Variants in LRBA observed in about 807,000 individuals in gnomAD.
LRBA encodes the protein lipopolysaccharide-responsive and beige-like anchor protein.
A neutral mutation model predicts 330.0 loss-of-function variants in LRBA; 176 were observed. The ratio of observed to expected loss-of-function variants is 0.53; its 90% CI spans 0.47 to 0.60. The LOEUF (loss-of-function observed/expected upper bound fraction) is 0.60. Ranked by LOEUF, LRBA falls within the 20% of genes least tolerant of loss-of-function variation. LRBA has a pLI of 0.00. For synonymous variants in LRBA, 1,230 were observed against 1,193.0 expected (o/e 1.03, Z -0.64); for missense variants, 3,259 against 3,444.8 (o/e 0.95, Z 1.35).
At chr4:150,571,933 C>A (rs967252207) in intron 40 of LRBA, among the ~76,000 whole-genome samples, 1 of 151,638 alleles carries the variant, frequency 6.6e-6, no homozygotes, top group Non-Finnish European at 1.5e-5. Flanking sequence ...CAAACTCCCA[C>A]TTCTAGTTAT....
chr4:150,448,647 C>T (rs1054474449), intron 44 of LRBA, among the ~76,000 whole-genome samples: 8 of 151,684 alleles, frequency 5.3e-5, no homozygotes, highest in Non-Finnish European at 1.0e-4. Flanking sequence ...AATAAAAATA[C>T]AAAAATTAGC....
chr4:150,388,730 G>A (rs1743445666), intron 47 of LRBA, among the ~76,000 whole-genome samples: 1 of 152,150 alleles, frequency 6.6e-6, no homozygotes, highest in Admixed American at 6.5e-5. Flanking sequence ...CAGAGTAGAA[G>A]TATAAACTCC....
chr4:150,487,600 CAG>C lies in LRBA; in HGVS notation c.6551+130_6551+131del, dbSNP rs77312120. The C allele has an allele frequency of 0.25, 110,739 of 441,806 alleles. 15,817 individuals carry two copies. Among genetic ancestry groups the C allele is most frequent in the Non-Finnish European group, 0.31 (75,624 of 247,328 alleles). The allele number at this position is 441,806 out of a possible 1,614,324, so 27.4% of individuals were successfully genotyped here. A position where few individuals can be genotyped will look rare whatever the true frequency, so the allele number is the denominator to read the frequency against. On this transcript the variant is annotated intron_variant, in intron 42 of 56. Coordinates refer to ENST00000651943, the MANE Select transcript of LRBA (RefSeq NM_001364905.1). ...TCATTATTTACTATGAAACATAAAA[CAG>C]AAAGTTATAAATTTCAAAATAAGTG...
intron 39 of LRBA, among the ~76,000 whole-genome samples, chr4:150,589,858 C>T (rs1273839816): frequency 6.6e-6 from 1 of 152,136 alleles, no homozygotes; most frequent in Non-Finnish European, 1.5e-5. Context: ...ATCTACCTTA[C>T]TCTCCACTCC....
intron 40 of LRBA, among the ~76,000 whole-genome samples, chr4:150,537,048 G>C (rs1581611631): frequency 6.6e-6 from 1 of 152,132 alleles, no homozygotes; most frequent in Non-Finnish European, 1.5e-5. Flanking sequence ...AAAGAACAAA[G>C]CTGGAGGTTT....
intron 47 of LRBA, among the ~76,000 whole-genome samples, chr4:150,388,115 A>G (rs1293681929): frequency 6.6e-6 from 1 of 152,220 alleles, no homozygotes; most frequent in Non-Finnish European, 1.5e-5. Flanking sequence ...GTTTATGATG[A>G]GCACTCTCCT....
intron 34 of LRBA, among the ~76,000 whole-genome samples, chr4:150,781,349 G>A (rs1738198231): frequency 6.6e-6 from 1 of 152,226 alleles, no homozygotes; most frequent in African/African-American, 2.4e-5. Flanking sequence ...CTCATAAGGA[G>A]CACACAACTT....
At chr4:150,989,736 G>T (rs1741859681) in intron 2 of LRBA, among the ~76,000 whole-genome samples, 1 of 151,228 alleles carries the variant, frequency 6.6e-6, no homozygotes, top group Non-Finnish European at 1.5e-5. Flanking sequence ...CACAGCCAAA[G>T]AAAGAAAGAA....
intron 49 of LRBA, among the ~76,000 whole-genome samples, chr4:150,322,513 T>C (rs1446417461): frequency 6.6e-6 from 1 of 152,188 alleles, no homozygotes; most frequent in Admixed American, 6.5e-5. Flanking sequence ...CACCAGGTAA[T>C]ATGTAAATGT....
At chr4:151,005,428 A>T (rs1423899160) in intron 2 of LRBA, among the ~76,000 whole-genome samples, 1 of 121,096 alleles carries the variant, frequency 8.3e-6, no homozygotes, top group African/African-American at 3.4e-5. Flanking sequence ...ACAGTACAAG[A>T]CTCCAACTCA....
chr4:150,612,716 TAAG>T (rs761453770), intron 37 of LRBA, among the ~76,000 whole-genome samples: 5 of 152,152 alleles, frequency 3.3e-5, no homozygotes, highest in Non-Finnish European at 7.4e-5. Flanking sequence ...TGAGGTGCCT[TAAG>T]AAATACTCAT....
chr4:150,404,129 A>G (rs1046855617), intron 47 of LRBA, among the ~76,000 whole-genome samples: 1 of 152,212 alleles, frequency 6.6e-6, no homozygotes, highest in Non-Finnish European at 1.5e-5. Flanking sequence ...CACTGTGCCA[A>G]ATTCATGCAC....
intron 47 of LRBA, among the ~76,000 whole-genome samples, chr4:150,380,032 A>G (rs1211929555): frequency 1.4e-5 from 2 of 144,654 alleles, no homozygotes; most frequent in East Asian, 2.1e-4. Flanking sequence ...AAAAAAAATT[A>G]GCCAGGTATG....
intron 35 of LRBA, among the ~76,000 whole-genome samples, chr4:150,760,992 T>C (rs1222820010): frequency 2.0e-5 from 3 of 152,178 alleles, no homozygotes; most frequent in Non-Finnish European, 2.9e-5. Flanking sequence ...AAAGGACTGA[T>C]AGGGTCAATC....
intron 40 of LRBA, chr4:150,581,424 G>GA (rs1771315341): frequency 8.2e-6 from 3 of 367,554 alleles, no homozygotes; most frequent in Non-Finnish European, 1.6e-5. Flanking sequence ...TTTAAAGGAG[G>GA]AAAAAACCTG....
rs1554034100 is a variant in LRBA at position 150,467,741 on chromosome 4, C to A, written c.6712G>T (p.Val2238Phe). Residue 2238 changes from valine to phenylalanine, a missense_variant, in exon 44 of 57, where the codon GTC (valine) becomes TTC (phenylalanine). Transcript: ENST00000651943. Reference sequence around the variant, plus strand: ...TCTTCTGATTCATAATTAGTGATGACCCAAGGAAACACTGGATACTGATTT... The same window carrying A: ...TCTTCTGATTCATAATTAGTGATGAACCAAGGAAACACTGGATACTGATTT... ...DLNQYPVFPW[V>F]ITNYESEELD... 1 of 1,606,912 alleles carries A rather than the reference C, an allele frequency of 6.2e-7. No homozygotes were observed. Among genetic ancestry groups the A allele is most frequent in the Non-Finnish European group, 8.5e-7 (1 of 1,175,214 alleles).
intron 47 of LRBA, among the ~76,000 whole-genome samples, chr4:150,389,984 T>C (rs1463301050): frequency 9.3e-5 from 14 of 150,612 alleles, no homozygotes; most frequent in Non-Finnish European, 1.8e-4. Context: ...TCAATATTTA[T>C]TCAGAAAAGT....
chr4:150,494,092 G>GA (rs924577535), intron 40 of LRBA, among the ~76,000 whole-genome samples: 3 of 150,852 alleles, frequency 2.0e-5, no homozygotes, highest in African/African-American at 7.3e-5. Flanking sequence ...TCTAAAAAAA[G>GA]AAAAAAAAGA....
At chr4:150,416,245 A>G (rs1363080698) in intron 46 of LRBA, among the ~76,000 whole-genome samples, 2 of 152,270 alleles carry the variant, frequency 1.3e-5, no homozygotes, top group Non-Finnish European at 2.9e-5. Flanking sequence ...TTTTGTGTGT[A>G]ATAAACCCCA....
Sources: gnomAD v4.1 joint callset for allele counts (sites outside exome capture counted in the v4.1 genomes callset) on GRCh38, gnomAD v4.1.1 for gene constraint, MANE v1.5 for transcripts, NCBI Gene and HGNC (gene_info 2026-07-23, HGNC 2026-07-21) for gene names.